The following ANKRD62 variants were observed in gnomAD, a reference collection of about 807,000 sequenced individuals.
The protein encoded by ANKRD62 is ankyrin repeat domain-containing protein 62.
ANKRD62 carries 61 observed loss-of-function variants against 98.8 expected under a neutral mutation model. The ratio of observed to expected loss-of-function variants is 0.62; its 90% confidence interval spans 0.50 to 0.76. The LOEUF (loss-of-function observed/expected upper bound fraction) is 0.76. ANKRD62 is among the 30% of genes least tolerant of loss of function. ANKRD62 has a pLI of 0.00. For synonymous variants in ANKRD62, 341 were observed against 367.9 expected (o/e 0.93, Z 0.84); for missense variants, 933 against 1,082.9 (o/e 0.86, Z 1.94).
Position 12,126,193 on chromosome 18 carries a change from A to G in ANKRD62, c.2372A>G (p.Asn791Ser), listed in dbSNP as rs1200598764. ...SQNLLYQQQCNDARKKADNQE... is the reference protein window; with the variant it reads ...SQNLLYQQQCSDARKKADNQE... ...AATCTGTTGTATCAACAGCAGTGTA[A>G]TGATGCTCGCAAGAAAGCTGACAAT... is the stretch of plus-strand genomic sequence containing the variant. Residue 791 changes from asparagine to serine, a missense_variant, in exon 13 of 14, where the codon AAT becomes AGT. Transcript: ENST00000587848. 23 of 1,536,002 alleles carry G rather than the reference A, an allele frequency of 1.5e-5. No homozygotes were observed. Among genetic ancestry groups the G allele is most frequent in the Non-Finnish European group, 1.5e-5 (17 of 1,146,856 alleles).
chr18:12,108,990 G>T (rs985900708), intron 8 of ANKRD62, among the ~76,000 whole-genome samples: 2 of 152,250 alleles, frequency 1.3e-5, no homozygotes, highest in Non-Finnish European at 2.9e-5. Context: ...CCTTGTGGCT[G>T]CTTTCACAGT....
At chr18:12,178,005 C>T in the ANKRD62 span, among the ~76,000 whole-genome samples, 4 of 83,608 alleles carry the variant, frequency 4.8e-5, no homozygotes, top group African/African-American at 2.1e-4. Flanking sequence ...ACAGAAATTT[C>T]ATTGCACTGT....
At chr18:12,141,372 C>G in the ANKRD62 span, among the ~76,000 whole-genome samples, 1 of 152,178 alleles carries the variant, frequency 6.6e-6, no homozygotes, top group Non-Finnish European at 1.5e-5. Context: ...GGCACTACCC[C>G]ATGAGATGAA....
intron 6 of ANKRD62, chr18:12,102,028 C>G (rs1909310093): frequency 7.2e-7 from 1 of 1,383,722 alleles, no homozygotes. Context: ...TTTGCAGATG[C>G]CCACATCATG....
chr18:12,168,512 T>C, the ANKRD62 span, among the ~76,000 whole-genome samples: 1 of 152,122 alleles, frequency 6.6e-6, no homozygotes, highest in African/African-American at 2.4e-5. Flanking sequence ...TTTGGTACCA[T>C]TACCATGCTG....
At chr18:12,139,811 G>T in the ANKRD62 span, among the ~76,000 whole-genome samples, 2 of 152,176 alleles carry the variant, frequency 1.3e-5, no homozygotes, top group South Asian at 4.2e-4. Flanking sequence ...TGGTGAATCT[G>T]ACAATTATGC....
the ANKRD62 span, among the ~76,000 whole-genome samples, chr18:12,169,998 C>T: frequency 6.6e-6 from 1 of 152,098 alleles, no homozygotes; most frequent in African/African-American, 2.4e-5. Context: ...TTTTTTATTG[C>T]ATCTATTTGA....
intron 8 of ANKRD62, among the ~76,000 whole-genome samples, chr18:12,112,955 C>T (rs1045423264): frequency 5.3e-5 from 8 of 152,106 alleles, no homozygotes; most frequent in Non-Finnish European, 8.8e-5. Flanking sequence ...GAGTGCAGTG[C>T]TGTGATCTCC....
the ANKRD62 span, among the ~76,000 whole-genome samples, chr18:12,164,269 T>G: frequency 6.6e-6 from 1 of 151,982 alleles, no homozygotes; most frequent in South Asian, 2.1e-4. Context: ...CCCCTACATT[T>G]TCCAAGTTAG....
At position 12,122,343 on chromosome 18, in the gene ANKRD62, A is replaced by G. The variant is rs749809037; in HGVS notation, c.1281A>G (p.Ala427=). The change falls in exon 11 of 14, where the codon GCA becomes GCG. Residue 427 remains alanine (A), a synonymous_variant. Coordinates refer to ENST00000587848, the MANE Select transcript of ANKRD62 (RefSeq NM_001277333.2). ...SLSKSKNATA[A]CGRSIEDQKC... is the part of the protein sequence containing the mutation. ...CGAAAAGCAAGAATGCAACAGCTGC[A>G]TGTGGAAGATCAATAGAGGATCAAA... is the stretch of plus-strand genomic sequence containing the variant. The G allele has an allele frequency of 5.8e-5, 89 of 1,535,370 alleles. No individual in the cohort carries two copies. Among genetic ancestry groups the G allele is most frequent in the Non-Finnish European group, 7.7e-5 (88 of 1,146,688 alleles).
At chr18:12,150,121 C>T in the ANKRD62 span, among the ~76,000 whole-genome samples, 4 of 152,114 alleles carry the variant, frequency 2.6e-5, no homozygotes, top group African/African-American at 4.8e-5. Context: ...AGAGGCCTGA[C>T]GGAGTTGAGT....
At chr18:12,100,298 T>A (rs4502287) in intron 6 of ANKRD62, among the ~76,000 whole-genome samples, 131,963 of 152,212 alleles carry the variant, frequency 0.87, 57,466 homozygotes, top group Middle Eastern at 0.98. Context: ...TATAAAGAAA[T>A]TCATAATGAA....
chr18:12,107,004 T>C (rs1909427191), intron 7 of ANKRD62, among the ~76,000 whole-genome samples: 1 of 151,940 alleles, frequency 6.6e-6, no homozygotes, highest in Non-Finnish European at 1.5e-5. Flanking sequence ...GCACCGGGGG[T>C]GAAAATGTAT....
the ANKRD62 span, among the ~76,000 whole-genome samples, chr18:12,136,212 A>G: frequency 6.6e-6 from 1 of 151,856 alleles, no homozygotes; most frequent in Admixed American, 6.6e-5. Context: ...TCTTGAATTA[A>G]TTTTTGTATA....
Position 12,123,117 on chromosome 18 carries a change from C to T in ANKRD62, c.1454+601C>T, listed in dbSNP as rs1327424817. The stretch of plus-strand genomic sequence containing the variant: ...AGGTTGGAGTGCAGCGGCGAAATCT[C>T]GGCTCACTGCAGCCTCTGCTTCCGG... On this transcript the variant is annotated intron_variant, in intron 11 of 13. Coordinates refer to ENST00000587848, the MANE Select transcript of ANKRD62 (RefSeq NM_001277333.2). 4.6e-5 allele frequency among the ~76,000 whole-genome samples: 7 copies of T among 152,086 alleles called. No homozygotes were observed. In the East Asian group the frequency reaches 7.7e-4, roughly 17 times the overall value.
At chr18:12,170,882 T>TA in the ANKRD62 span, among the ~76,000 whole-genome samples, 1 of 152,204 alleles carries the variant, frequency 6.6e-6, no homozygotes. Flanking sequence ...TACCATTATG[T>TA]AATGGCCTTC....
At chr18:12,111,757 C>T (rs1026290342) in intron 8 of ANKRD62, among the ~76,000 whole-genome samples, 2 of 152,008 alleles carry the variant, frequency 1.3e-5, no homozygotes, top group East Asian at 3.8e-4. Flanking sequence ...TCCCATAGAC[C>T]AACAATAGTG....
chr18:12,102,597 C>T, intron 6 of ANKRD62: 1 of 447,482 alleles, frequency 2.2e-6, no homozygotes, highest in Non-Finnish European at 3.2e-6. Flanking sequence ...TTATATAAAA[C>T]TGTTTGTCTG....
At chr18:12,110,264 G>A (rs1250971208) in intron 8 of ANKRD62, among the ~76,000 whole-genome samples, 1 of 152,170 alleles carries the variant, frequency 6.6e-6, no homozygotes, top group Non-Finnish European at 1.5e-5. Flanking sequence ...TGTATTTGAT[G>A]AGTATAAAAT....
Sources: allele counts gnomAD v4.1 joint callset (sites outside exome capture counted in the v4.1 genomes callset), GRCh38; gene constraint gnomAD v4.1.1; transcripts MANE v1.5; gene names NCBI Gene and HGNC (gene_info 2026-07-23, HGNC 2026-07-21).